Variants in ROCK2 observed in about 807,000 individuals in gnomAD.
The protein encoded by ROCK2 is rho-associated protein kinase 2.
A neutral mutation model predicts 195.1 loss-of-function variants in ROCK2; 61 were observed. The ratio of observed to expected loss-of-function variants is 0.31; its 90% CI spans 0.25 to 0.39. ROCK2 has a LOEUF of 0.39. ROCK2 is among the 10% of genes least tolerant of loss of function. ROCK2 has a pLI of 1.00. For synonymous variants in ROCK2, 504 were observed against 545.5 expected (o/e 0.92, Z 1.06); for missense variants, 1,109 against 1,637.4 (o/e 0.68, Z 5.57).
In ROCK2 at chr2:11,207,781, T is replaced by C. The variant is rs762979588; in HGVS notation, c.2494A>G (p.Asn832Asp). The change falls in exon 20 of 33, where the codon AAC becomes GAC. Residue 832 changes from asparagine to aspartate, a missense_variant. This residue lies in a region of ROCK2 where 542 missense variants were observed against 672.0 expected (regional missense o/e 0.81). Coordinates refer to ENST00000315872, the MANE Select transcript of ROCK2 (RefSeq NM_004850.5). ...MSEKQLKQEN[N>D]HLMEMKMNLE... ...TTCATTTTCATTTCCATGAGATGGT[T>C]ATTTTCTTGCTTTAACTGCTTTTCT... is the stretch of plus-strand genomic sequence containing the variant. The C allele has an allele frequency of 1.1e-5, 17 of 1,610,344 alleles. No homozygotes were observed. Among genetic ancestry groups the C allele is most frequent in the Non-Finnish European group, 1.4e-5 (17 of 1,177,726 alleles).
intron 1 of ROCK2, among the ~76,000 whole-genome samples, chr2:11,289,217 T>C (rs1283846376): frequency 6.6e-6 from 1 of 152,144 alleles, no homozygotes; most frequent in Non-Finnish European, 1.5e-5. Flanking sequence ...GCTGGGATTG[T>C]TAAATTCACA....
At chr2:11,303,282 C>T (rs943483979) in intron 1 of ROCK2, among the ~76,000 whole-genome samples, 2 of 152,174 alleles carry the variant, frequency 1.3e-5, no homozygotes, top group Non-Finnish European at 2.9e-5. Flanking sequence ...TTGTACACAG[C>T]TTATCTCACA....
At chr2:11,206,896 T>G (rs1419159221) in intron 20 of ROCK2, among the ~76,000 whole-genome samples, 1 of 152,212 alleles carries the variant, frequency 6.6e-6, no homozygotes, top group Non-Finnish European at 1.5e-5. Flanking sequence ...TGTTGGTTAG[T>G]TGGTAAGTAA....
At chr2:11,302,563 G>C (rs571832475) in intron 1 of ROCK2, among the ~76,000 whole-genome samples, 2 of 151,996 alleles carry the variant, frequency 1.3e-5, no homozygotes, top group South Asian at 4.2e-4. Flanking sequence ...CACTATTTAC[G>C]ACCCTTCTTT....
intron 32 of ROCK2, among the ~76,000 whole-genome samples, chr2:11,191,395 C>T (rs1663416688): frequency 6.6e-6 from 1 of 152,156 alleles, no homozygotes; most frequent in Non-Finnish European, 1.5e-5. Context: ...TACCTCAATT[C>T]CAAGGAATAA....
rs1365942520 is a variant in ROCK2 at position 11,179,820 on chromosome 2, TACA to T, written c.*3614_*3616del. ...TTTTTATAAAAAAGCAGGCATAAAA[TACA>T]ATTACATTACTACGAAGATGCAACA... is the stretch of plus-strand genomic sequence containing the variant. On this transcript the variant is annotated 3_prime_UTR_variant, in exon 33 of 33. Transcript: ENST00000315872. 2.0e-4 allele frequency: 30 copies of T among 152,266 alleles called. No individual in the cohort carries two copies. The highest frequency in any genetic ancestry group is 7.0e-4 in the African/African-American group (29 of 41,552). The allele number at this position is 152,266 out of a possible 1,614,324, so 9.4% of individuals were successfully genotyped here.
chr2:11,238,242 CTGT>C (rs138531230), intron 4 of ROCK2, among the ~76,000 whole-genome samples: 10 of 41,432 alleles, frequency 2.4e-4, no homozygotes, highest in African/African-American at 6.5e-4. Context: ...GTGTGTGTGT[CTGT>C]TGTGTGTGTC....
chr2:11,192,183 T>C lies in ROCK2; in HGVS notation c.4128A>G (p.Arg1376=), dbSNP rs1248781258. ...SMKIQQNQSI[R]RPSRQLAPNK... ...TTGGGGCAAGCTGTCGACTTGGCCG[T>C]CTAATAGACTGGTTTTGCTGTATCT... Residue 1376 remains arginine, a synonymous_variant, in exon 32 of 33, where the codon AGA becomes AGG. Transcript: ENST00000315872. The surrounding 1 kb of genome is among the most constrained non-coding windows in gnomAD (Gnocchi z 5.0). 1.2e-6 allele frequency: 2 copies of C among 1,613,060 alleles called. No individual in the cohort carries two copies. The highest frequency in any genetic ancestry group is 1.7e-5 in the Admixed American group (1 of 59,936).
chr2:11,289,439 G>T (rs902527131), intron 1 of ROCK2, among the ~76,000 whole-genome samples: 4 of 151,974 alleles, frequency 2.6e-5, no homozygotes, highest in Non-Finnish European at 4.4e-5. Context: ...GATGTATCTA[G>T]ACTTATACTC....
In ROCK2 at chr2:11,192,557, C is replaced by T; in HGVS notation, c.3843G>A (p.Leu1281=). The T allele has an allele frequency of 1.2e-6, 2 of 1,614,074 alleles. No individual in the cohort carries two copies. Among genetic ancestry groups the T allele is most frequent in the Non-Finnish European group, 1.7e-6 (2 of 1,179,994 alleles). The change falls in exon 31 of 33, where the codon CTG becomes CTA. Residue 1281 remains leucine (L), a synonymous_variant. Transcript: ENST00000315872. This position sits in a 1 kb window ranked among gnomAD's most constrained non-coding sequence, Gnocchi z 5.0. ...CAGGAGGAGGCTTAAACATGTGCCA[C>T]AGGGGCTTCATACAAGCCTCACAGT... The part of the protein sequence containing the change: ...PTNCEACMKP[L]WHMFKPPPAL...
chr2:11,295,704 C>G (rs1667489627), intron 1 of ROCK2, among the ~76,000 whole-genome samples: 1 of 152,110 alleles, frequency 6.6e-6, no homozygotes, highest in African/African-American at 2.4e-5. Context: ...CGCCTGTAAT[C>G]CCAACTATTT....
chr2:11,335,941 A>G (rs1478637047), intron 1 of ROCK2, among the ~76,000 whole-genome samples: 3 of 152,166 alleles, frequency 2.0e-5, no homozygotes, highest in Non-Finnish European at 4.4e-5. Context: ...ACTATATAAA[A>G]CTCATACTAT....
chr2:11,279,809 A>G (rs1021608069), intron 3 of ROCK2, among the ~76,000 whole-genome samples: 1 of 152,234 alleles, frequency 6.6e-6, no homozygotes, highest in South Asian at 2.1e-4. Context: ...ACAAACTTCA[A>G]ATAGAAATCA....
chr2:11,330,471 A>T (rs1347988704), intron 1 of ROCK2, among the ~76,000 whole-genome samples: 1 of 152,196 alleles, frequency 6.6e-6, no homozygotes, highest in Non-Finnish European at 1.5e-5. Context: ...AATATACAAA[A>T]TACTTTTACA....
intron 3 of ROCK2, among the ~76,000 whole-genome samples, chr2:11,277,442 A>G (rs1425967842): frequency 6.6e-6 from 1 of 151,910 alleles, no homozygotes; most frequent in Non-Finnish European, 1.5e-5. Context: ...CCAAGAGTAT[A>G]CACTGCACCC....
intron 18 of ROCK2, among the ~76,000 whole-genome samples, chr2:11,210,387 A>G (rs1664207462): frequency 6.6e-6 from 1 of 151,616 alleles, no homozygotes; most frequent in African/African-American, 2.4e-5. Flanking sequence ...TGATGCAATC[A>G]TGGCTCACTG....
At chr2:11,223,862 A>C (rs1407399789) in intron 7 of ROCK2, among the ~76,000 whole-genome samples, 1 of 152,180 alleles carries the variant, frequency 6.6e-6, no homozygotes, top group African/African-American at 2.4e-5. Flanking sequence ...TTTCCAGGAT[A>C]GTCTTGCTCA....
chr2:11,241,833 G>A (rs980169370), intron 4 of ROCK2, among the ~76,000 whole-genome samples: 13 of 152,078 alleles, frequency 8.5e-5, no homozygotes, highest in African/African-American at 2.7e-4. Flanking sequence ...TCTTAATGAC[G>A]GTATAACACC....
intron 1 of ROCK2, among the ~76,000 whole-genome samples, chr2:11,311,305 C>T (rs1415936286): frequency 6.6e-6 from 1 of 152,028 alleles, no homozygotes; most frequent in Non-Finnish European, 1.5e-5. Flanking sequence ...GATTTGAAAC[C>T]AAAATCCTTG....
Sources: allele counts gnomAD v4.1 joint callset (sites outside exome capture counted in the v4.1 genomes callset), GRCh38; gene constraint gnomAD v4.1.1; regional missense constraint gnomAD v4.1.1; non-coding constraint Gnocchi (gnomAD v3.1); transcripts MANE v1.5; gene names NCBI Gene and HGNC (gene_info 2026-07-23, HGNC 2026-07-21).